The following AGMO variants were observed in gnomAD, a reference collection of about 807,000 sequenced individuals.
AGMO encodes alkylglycerol monooxygenase.
AGMO carries 75 observed loss-of-function variants against 60.2 expected under a neutral mutation model. That is an observed-to-expected ratio of 1.25 (90% CI 1.03 to 1.51). The LOEUF (loss-of-function observed/expected upper bound fraction) is 1.51, where lower values mean the gene tolerates loss of function less well. AGMO is among the 40% of genes most tolerant of loss of function. AGMO has a pLI of 0.00. For synonymous variants in AGMO, 261 were observed against 177.1 expected (o/e 1.47, Z -3.76); for missense variants, 763 against 525.5 (o/e 1.45, Z -4.42).
chr7:15,330,237 T>A (rs373735014), intron 12 of AGMO, among the ~76,000 whole-genome samples: 1 of 152,112 alleles, frequency 6.6e-6, no homozygotes, highest in Non-Finnish European at 1.5e-5. Context: ...AGTACTAAAA[T>A]AATAAAATCC....
the AGMO span, among the ~76,000 whole-genome samples, chr7:15,121,572 G>T: frequency 6.6e-6 from 1 of 152,252 alleles, no homozygotes; most frequent in Non-Finnish European, 1.5e-5. Context: ...CTAATAACCA[G>T]TGATGATGAA....
At chr7:15,188,330 T>C in the AGMO span, among the ~76,000 whole-genome samples, 1 of 152,202 alleles carries the variant, frequency 6.6e-6, no homozygotes, top group African/African-American at 2.4e-5. Context: ...CTCATAAGGT[T>C]ATTGTGAGGA....
At chr7:15,146,650 T>C in the AGMO span, among the ~76,000 whole-genome samples, 2 of 152,214 alleles carry the variant, frequency 1.3e-5, no homozygotes, top group Non-Finnish European at 2.9e-5. Flanking sequence ...ATTTTTCTTG[T>C]TATTACTTAA....
At chr7:15,198,195 CCGAG>C (rs2115459634), downstream of AGMO, among the ~76,000 whole-genome samples, 1 of 83,022 alleles carries the variant, frequency 1.2e-5, no homozygotes, top group East Asian at 4.8e-4. Context: ...TAGGGCTTTC[CCGAG>C]AGAGAGAGAG....
intron 12 of AGMO, among the ~76,000 whole-genome samples, chr7:15,357,483 T>C (rs550319547): frequency 3.5e-4 from 53 of 152,280 alleles, no homozygotes; most frequent in African/African-American, 1.2e-3. Flanking sequence ...CCTTTTGCAA[T>C]TGATCTTACT....
chr7:15,385,328 A>G, intron 10 of AGMO, 118 bp downstream of exon 10: 1 of 661,678 alleles, frequency 1.5e-6, no homozygotes, highest in Non-Finnish European at 2.5e-6. Context: ...GACGTTGCCA[A>G]AATTACAGCA....
chr7:15,388,564 G>C (rs1784015346), intron 8 of AGMO, among the ~76,000 whole-genome samples: 1 of 152,128 alleles, frequency 6.6e-6, no homozygotes, highest in Admixed American at 6.5e-5. Context: ...ATATGGTAAT[G>C]TTTTAAAATA....
At chr7:15,122,294 A>G in the AGMO span, among the ~76,000 whole-genome samples, 32 of 152,166 alleles carry the variant, frequency 2.1e-4, no homozygotes, top group South Asian at 2.1e-3. Context: ...TCATGCCTCA[A>G]TTTCTTCCCA....
At chr7:15,176,387 T>A in the AGMO span, among the ~76,000 whole-genome samples, 7 of 152,040 alleles carry the variant, frequency 4.6e-5, no homozygotes, top group Admixed American at 3.9e-4. Context: ...ATTTTTAGGA[T>A]TCAAACTGAA....
At chr7:15,491,755 A>T (rs1438652343) in intron 3 of AGMO, among the ~76,000 whole-genome samples, 1 of 152,232 alleles carries the variant, frequency 6.6e-6, no homozygotes, top group East Asian at 1.9e-4. Flanking sequence ...GCATACCAAA[A>T]GAATTAAGAC....
In AGMO at chr7:15,418,542, TAA is replaced by T; in HGVS notation, c.609+14_609+15del. 6.7e-7 allele frequency: 1 copy of T among 1,503,428 alleles called. No individual in the cohort carries two copies. The highest frequency in any genetic ancestry group is 9.1e-7 in the Non-Finnish European group (1 of 1,093,522). 93.1% of individuals were successfully genotyped at this position (1,503,428 alleles called of 1,614,324 possible). A position where few individuals can be genotyped will look rare whatever the true frequency, so the allele number is the denominator to read the frequency against. Reference sequence around the variant, plus strand: ...TGTTTAGGTATAAAACTTACAAAGATAAAAAAAAGTTTTACCTCTGTATGGAT... The same window carrying T: ...TGTTTAGGTATAAAACTTACAAAGATAAAAAAGTTTTACCTCTGTATGGAT... On this transcript the variant is annotated intron_variant, in intron 5 of 12. Coordinates refer to ENST00000342526, the MANE Select transcript of AGMO (RefSeq NM_001004320.2).
At chr7:15,414,967 T>C (rs1361021357) in intron 5 of AGMO, among the ~76,000 whole-genome samples, 2 of 152,168 alleles carry the variant, frequency 1.3e-5, no homozygotes, top group Admixed American at 1.3e-4. Flanking sequence ...TTCTACCTCA[T>C]ACCATATGTA....
rs149863536 is a variant in AGMO, at chr7:15,214,133, G to C, written c.1264-12774C>G. ...AGAGACAGAGAGGAAGAAATTACTA[G>C]AATTTCTAAAAATAATTATGTTATG... On this transcript the variant is annotated intron_variant, in intron 12 of 12. Transcript: ENST00000342526. Among the ~76,000 whole-genome samples the C allele has an allele frequency of 3.1e-3, 475 of 151,976 alleles. 3 individuals are homozygous for C. The highest frequency in any genetic ancestry group is 0.011 in the African/African-American group (453 of 41,516).
At position 15,444,153 on chromosome 7, in the gene AGMO, T is replaced by G. The variant is rs1781638761; in HGVS notation, c.410-13045A>C. The stretch of plus-strand genomic sequence containing the variant: ...GTTTTTTATATAGTATCGAATATAT[T>G]TTTTTAATTAAACATATGCTAATCA... On this transcript the variant is annotated intron_variant, in intron 3 of 12. Transcript: ENST00000342526. Among the ~76,000 whole-genome samples the G allele has an allele frequency of 1.3e-5, 2 of 152,174 alleles. 1 individual carries two copies. The highest frequency in any genetic ancestry group is 4.1e-4 in the South Asian group (2 of 4,826).
At chr7:15,378,895 C>G (rs548433320) in intron 10 of AGMO, among the ~76,000 whole-genome samples, 15 of 152,126 alleles carry the variant, frequency 9.9e-5, no homozygotes, top group African/African-American at 3.1e-4. Flanking sequence ...TGCAAAAGAA[C>G]TGAAATCATA....
At chr7:15,393,064 T>A (rs1784216173) in intron 6 of AGMO, among the ~76,000 whole-genome samples, 2 of 152,196 alleles carry the variant, frequency 1.3e-5, no homozygotes, top group African/African-American at 4.8e-5. Context: ...CACATTTGCA[T>A]CACTGTGAAA....
At chr7:15,261,946 C>G (rs951452240) in intron 12 of AGMO, among the ~76,000 whole-genome samples, 11 of 151,890 alleles carry the variant, frequency 7.2e-5, no homozygotes, top group Non-Finnish European at 1.6e-4. Flanking sequence ...AATCCAGCAT[C>G]CCATTATGAT....
the AGMO span, among the ~76,000 whole-genome samples, chr7:15,181,813 A>G: frequency 6.6e-6 from 1 of 152,214 alleles, no homozygotes; most frequent in Non-Finnish European, 1.5e-5. Context: ...GCATTGATTG[A>G]TAGTGGGTGA....
At chr7:15,323,891 C>T (rs766930969) in intron 12 of AGMO, among the ~76,000 whole-genome samples, 62 of 152,284 alleles carry the variant, frequency 4.1e-4, no homozygotes, top group Non-Finnish European at 7.1e-4. Flanking sequence ...TAACTGCAAG[C>T]AAGGGTTTGA....
Sources: gnomAD v4.1 joint callset for allele counts (sites outside exome capture counted in the v4.1 genomes callset) on GRCh38, gnomAD v4.1.1 for gene constraint, MANE v1.5 for transcripts, NCBI Gene and HGNC (gene_info 2026-07-23, HGNC 2026-07-21) for gene names.